Variants in REDIC1 observed in about 807,000 individuals in gnomAD.
REDIC1 encodes HEI10 Interacting Protein 1.
the REDIC1 span, among the ~76,000 whole-genome samples, chr12:39,900,888 C>T: frequency 2.0e-5 from 3 of 152,138 alleles, no homozygotes; most frequent in Non-Finnish European, 4.4e-5. Flanking sequence ...CAAGTCAATC[C>T]TAAGCCAAAA....
chr12:39,872,080 T>G, the REDIC1 span: 3 of 733,046 alleles, frequency 4.1e-6, no homozygotes, highest in Non-Finnish European at 6.0e-6. Context: ...AGTAATAACA[T>G]CAAATTAACG....
chr12:39,843,148 G>T, the REDIC1 span, among the ~76,000 whole-genome samples: 15 of 152,088 alleles, frequency 9.9e-5, no homozygotes, highest in South Asian at 2.9e-3. Context: ...GGGTGGAATT[G>T]CTGGGTCATA....
At chr12:39,725,838 A>G in the REDIC1 span, among the ~76,000 whole-genome samples, 1 of 152,000 alleles carries the variant, frequency 6.6e-6, no homozygotes, top group Non-Finnish European at 1.5e-5. Flanking sequence ...GTATGAGATA[A>G]TACACACAGC....
At chr12:39,890,961 G>A in the REDIC1 span, among the ~76,000 whole-genome samples, 150 of 151,972 alleles carry the variant, frequency 9.9e-4, 1 homozygote, top group Non-Finnish European at 1.4e-3. Context: ...GATGCAAAGT[G>A]AAATGTCATC....
chr12:39,669,986 C>T, the REDIC1 span, among the ~76,000 whole-genome samples: 2 of 152,128 alleles, frequency 1.3e-5, no homozygotes, highest in Non-Finnish European at 2.9e-5. Context: ...ATTCCCTGAT[C>T]CCTTGCGCTT....
chr12:39,710,292 A>T, the REDIC1 span, among the ~76,000 whole-genome samples: 4 of 151,878 alleles, frequency 2.6e-5, no homozygotes, highest in African/African-American at 7.2e-5. Context: ...TCAGATTTTC[A>T]TATTGATGTT....
the REDIC1 span, among the ~76,000 whole-genome samples, chr12:39,779,285 C>T: frequency 1.4e-4 from 22 of 152,266 alleles, no homozygotes; most frequent in Admixed American, 6.5e-4. Flanking sequence ...CCTTCTGAAA[C>T]GGGAAGGACT....
the REDIC1 span, among the ~76,000 whole-genome samples, chr12:39,710,812 G>T: frequency 6.6e-6 from 1 of 151,504 alleles, no homozygotes; most frequent in African/African-American, 2.4e-5. Context: ...CACTTTGAGG[G>T]CTCTGACCAT....
chr12:39,831,026 G>A, the REDIC1 span, among the ~76,000 whole-genome samples: 1 of 152,162 alleles, frequency 6.6e-6, no homozygotes, highest in Non-Finnish European at 1.5e-5. Context: ...CCTACATCAT[G>A]CTTATAGAAT....
chr12:39,843,643 T>C, the REDIC1 span, among the ~76,000 whole-genome samples: 5 of 152,050 alleles, frequency 3.3e-5, no homozygotes, highest in Non-Finnish European at 7.4e-5. Context: ...AAAGCATTTA[T>C]TGCTAGTGCT....
the REDIC1 span, among the ~76,000 whole-genome samples, chr12:39,699,416 G>C: frequency 6.6e-6 from 1 of 152,244 alleles, no homozygotes; most frequent in African/African-American, 2.4e-5. Context: ...GGCACACCAG[G>C]AGATTATATC....
At chr12:39,902,152 T>C in the REDIC1 span, among the ~76,000 whole-genome samples, 24 of 130,106 alleles carry the variant, frequency 1.8e-4, no homozygotes, top group East Asian at 3.1e-3. Flanking sequence ...TGAGAACACA[T>C]GGACACAGGA....
chr12:39,838,370 T>A, the REDIC1 span, among the ~76,000 whole-genome samples: 1 of 136,052 alleles, frequency 7.4e-6, no homozygotes, highest in African/African-American at 2.8e-5. Context: ...AGGGATAGCA[T>A]TGGGAGATAT....
the REDIC1 span, among the ~76,000 whole-genome samples, chr12:39,805,734 T>A: frequency 6.6e-6 from 1 of 152,190 alleles, no homozygotes; most frequent in Non-Finnish European, 1.5e-5. Flanking sequence ...GGAGGGGCAC[T>A]TCCTCAGTAA....
chr12:39,902,479 T>G, the REDIC1 span, among the ~76,000 whole-genome samples: 1 of 152,074 alleles, frequency 6.6e-6, no homozygotes, highest in African/African-American at 2.4e-5. Context: ...TCATACTTCT[T>G]GTAATAAATT....
At chr12:39,848,315 C>T in the REDIC1 span, among the ~76,000 whole-genome samples, 1 of 152,032 alleles carries the variant, frequency 6.6e-6, no homozygotes, top group Non-Finnish European at 1.5e-5. Context: ...TTATAAGGAA[C>T]TTAGCAAATT....
At chr12:39,860,818 TC>T in the REDIC1 span, among the ~76,000 whole-genome samples, 1 of 152,158 alleles carries the variant, frequency 6.6e-6, no homozygotes, top group African/African-American at 2.4e-5. Context: ...GTCATCTCTC[TC>T]ATAGACAACT....
At chr12:39,725,391 A>G in the REDIC1 span, among the ~76,000 whole-genome samples, 1 of 152,132 alleles carries the variant, frequency 6.6e-6, no homozygotes, top group Non-Finnish European at 1.5e-5. Flanking sequence ...CTTTGACTGT[A>G]GGAAAGGTTT....
At chr12:39,761,622 G>T in the REDIC1 span, among the ~76,000 whole-genome samples, 1 of 26,288 alleles carries the variant, frequency 3.8e-5, no homozygotes, top group African/African-American at 1.6e-4. Context: ...GAGAATGGGG[G>T]AATTTTGACA....
Sources: allele counts gnomAD v4.1 joint callset (sites outside exome capture counted in the v4.1 genomes callset), GRCh38; gene constraint gnomAD v4.1.1; transcripts MANE v1.5; gene names NCBI Gene and HGNC (gene_info 2026-07-23, HGNC 2026-07-21).